GTF2E2: variants seen among roughly 807,000 people sequenced by gnomAD.
GTF2E2 encodes the protein transcription initiation factor IIE subunit beta.
GTF2E2 carries 21 observed loss-of-function variants against 40.5 expected under a neutral mutation model. That is an observed-to-expected ratio of 0.52 (90% confidence interval 0.37 to 0.75). The LOEUF is 0.75. GTF2E2 is among the 30% of genes least tolerant of loss of function. The pLI is 0.00. For missense variants in GTF2E2, 298 were observed against 338.4 expected, an observed-to-expected ratio of 0.88 and a Z score of 0.94; for synonymous variants, 117 against 121.6, an observed-to-expected ratio of 0.96 and a Z score of 0.25.
At chr8:30,581,138 G>T (rs1304160123) in intron 6 of GTF2E2, among the ~76,000 whole-genome samples, 1 of 152,144 alleles carries the variant, frequency 6.6e-6, no homozygotes. Context: ...TTAATTATCA[G>T]AAGCTACTTT....
chr8:30,603,519 A>T (rs1585953825), intron 6 of GTF2E2, among the ~76,000 whole-genome samples: 1 of 152,292 alleles, frequency 6.6e-6, no homozygotes, highest in East Asian at 1.9e-4. Flanking sequence ...GACATCAAGG[A>T]AAAGAACATT....
intron 5 of GTF2E2, among the ~76,000 whole-genome samples, chr8:30,610,818 T>C (rs1292354657): frequency 6.6e-6 from 1 of 151,992 alleles, no homozygotes; most frequent in Non-Finnish European, 1.5e-5. Context: ...AAATCAAAAA[T>C]AGACAAGAGT....
In GTF2E2 at chr8:30,658,212, C is replaced by T; in HGVS notation, c.-244G>A. Reference sequence around the variant, plus strand: ...GGACCCGGGACTCCGCCCGCCACTTCCCGATCGGGTGCTAGGAGCTCAGTC... The same window carrying T: ...GGACCCGGGACTCCGCCCGCCACTTTCCGATCGGGTGCTAGGAGCTCAGTC... On this transcript the variant is annotated 5_prime_UTR_variant, in exon 1 of 8. Transcript: ENST00000355904. 5.5e-6 allele frequency: 1 copy of T among 183,378 alleles called. No individual in the cohort carries two copies. Among genetic ancestry groups the T allele is most frequent in the South Asian group, 8.5e-5 (1 of 11,760 alleles). 11.4% of individuals were successfully genotyped at this position (183,378 alleles called of 1,614,324 possible).
chr8:30,615,670 A>G lies in GTF2E2; in HGVS notation c.259-955T>C, dbSNP rs187132959. Among the ~76,000 whole-genome samples, 323 of 152,322 alleles carry G rather than the reference A, an allele frequency of 2.1e-3. 2 individuals are homozygous for G. The highest frequency in any genetic ancestry group is 7.2e-3 in the African/African-American group (298 of 41,566). ...AAACACACACACACACGTAGATACC[A>G]AAAGCTAGAGAGGATGCAAAGGAAC... On this transcript the variant is annotated intron_variant, in intron 3 of 7. Coordinates refer to ENST00000355904, the MANE Select transcript of GTF2E2 (RefSeq NM_002095.6).
intron 6 of GTF2E2, chr8:30,585,072 G>C (rs1828632596): frequency 1.3e-5 from 2 of 152,294 alleles, no homozygotes; most frequent in South Asian, 2.1e-4. Flanking sequence ...TGTAGTCCCA[G>C]CTACTTGGGA....
rs538533882 is a variant in GTF2E2, at chr8:30,599,596, A to C, written c.643+7461T>G. On this transcript the variant is annotated intron_variant, in intron 6 of 7. Coordinates refer to ENST00000355904, the MANE Select transcript of GTF2E2 (RefSeq NM_002095.6). ...TTTGTCTCACAAAAAAAAAAAAAAA[A>C]CTTCCCATCTGTGGAGTTTGTATAC... 1.5e-3 allele frequency among the ~76,000 whole-genome samples: 226 copies of C among 151,330 alleles called. 2 individuals are homozygous for C. The highest frequency in any genetic ancestry group is 2.7e-3 in the Non-Finnish European group (180 of 67,752).
chr8:30,610,822 C>T (rs996548412), intron 5 of GTF2E2, among the ~76,000 whole-genome samples: 4 of 152,108 alleles, frequency 2.6e-5, no homozygotes, highest in African/African-American at 9.7e-5. Context: ...CAAAAATAGA[C>T]AAGAGTGCAG....
chr8:30,622,854 A>C (rs1471447628), intron 3 of GTF2E2, among the ~76,000 whole-genome samples: 3 of 152,066 alleles, frequency 2.0e-5, no homozygotes, highest in Non-Finnish European at 4.4e-5. Context: ...GTTTAAGGTT[A>C]TCTCTCTTAT....
chr8:30,619,248 T>C (rs973510478), intron 3 of GTF2E2, among the ~76,000 whole-genome samples: 3 of 152,090 alleles, frequency 2.0e-5, no homozygotes, highest in African/African-American at 7.2e-5. Flanking sequence ...TCTACTTCAA[T>C]AGTTTTACAG....
rs71539905 is a variant in GTF2E2, at chr8:30,627,448, C to CAAAAAAAAA, written c.258+7575_258+7583dup. On this transcript the variant is annotated intron_variant, in intron 3 of 7. Coordinates refer to ENST00000355904, the MANE Select transcript of GTF2E2 (RefSeq NM_002095.6). The stretch of plus-strand genomic sequence containing the variant: ...TCACGGCAAGGTTTTACCTCTCTTG[C>CAAAAAAAAA]AAAAAAAAAAAAAAAAAAAAAAACT... Among the ~76,000 whole-genome samples, 3 of 64,776 alleles carry CAAAAAAAAA rather than the reference C, an allele frequency of 4.6e-5. 1 individual carries two copies. The highest frequency in any genetic ancestry group is 8.3e-5 in the Non-Finnish European group (3 of 35,950). The allele number at this position is 64,776 out of a possible 152,430, so 42.5% of individuals were successfully genotyped here. A position where few individuals can be genotyped will look rare whatever the true frequency, so the allele number is the denominator to read the frequency against.
chr8:30,582,672 G>C (rs773136708), intron 6 of GTF2E2, among the ~76,000 whole-genome samples: 5 of 152,132 alleles, frequency 3.3e-5, no homozygotes, highest in Non-Finnish European at 7.3e-5. Context: ...ACTTCCATTT[G>C]GGTTTGTCTA....
intron 2 of GTF2E2, among the ~76,000 whole-genome samples, chr8:30,651,315 T>A (rs1186808729): frequency 6.7e-6 from 1 of 149,488 alleles, no homozygotes; most frequent in African/African-American, 2.4e-5. Flanking sequence ...CACAAAAAAC[T>A]ACGAGAAATA....
intron 2 of GTF2E2, among the ~76,000 whole-genome samples, chr8:30,639,948 C>G (rs1801755250): frequency 6.6e-6 from 1 of 151,588 alleles, no homozygotes; most frequent in Non-Finnish European, 1.5e-5. Flanking sequence ...ACAGAAGCAC[C>G]AAACAAAAGT....
At chr8:30,614,822 C>A in intron 3 of GTF2E2, 107 bp from the exon 4 acceptor site, 1 of 649,444 alleles carries the variant, frequency 1.5e-6, no homozygotes. Flanking sequence ...ATGTATTATT[C>A]CAGGTAGCAT....
intron 3 of GTF2E2, among the ~76,000 whole-genome samples, chr8:30,628,930 CAA>C (rs200464263): frequency 2.5e-4 from 18 of 70,606 alleles, no homozygotes; most frequent in African/African-American, 2.5e-4. Context: ...GACTCCGTCT[CAA>C]AAAAAAAAAA....
At chr8:30,635,747 C>T (rs1020408515) in intron 2 of GTF2E2, among the ~76,000 whole-genome samples, 2 of 152,026 alleles carry the variant, frequency 1.3e-5, no homozygotes, top group Non-Finnish European at 1.5e-5. Flanking sequence ...CAGAAGTACA[C>T]TTTATTAAAC....
intron 3 of GTF2E2, among the ~76,000 whole-genome samples, chr8:30,633,274 A>G (rs1801493986): frequency 6.6e-6 from 1 of 152,200 alleles, no homozygotes; most frequent in African/African-American, 2.4e-5. Flanking sequence ...TTTGGATAAA[A>G]TTCAAAGGGA....
intron 6 of GTF2E2, among the ~76,000 whole-genome samples, chr8:30,594,235 C>G (rs1355655079): frequency 6.6e-6 from 1 of 150,666 alleles, no homozygotes; most frequent in African/African-American, 2.4e-5. Context: ...CCTGGCCTAA[C>G]CCATCTATAT....
At chr8:30,628,417 A>G (rs1010082706) in intron 3 of GTF2E2, among the ~76,000 whole-genome samples, 105 of 152,314 alleles carry the variant, frequency 6.9e-4, no homozygotes, top group African/African-American at 2.5e-3. Context: ...CTGTCAAAAG[A>G]GCACTGACAA....
Sources: gnomAD v4.1 joint callset for allele counts (sites outside exome capture counted in the v4.1 genomes callset) on GRCh38, gnomAD v4.1.1 for gene constraint, MANE v1.5 for transcripts, NCBI Gene and HGNC (gene_info 2026-07-23, HGNC 2026-07-21) for gene names.